CNTN4: variants seen among roughly 807,000 people sequenced by gnomAD.
CNTN4 encodes the protein contactin 4.
CNTN4 carries 77 observed loss-of-function variants against 122.5 expected under a neutral mutation model. The ratio of observed to expected loss-of-function variants is 0.63; its 90% CI spans 0.52 to 0.76. The LOEUF (loss-of-function observed/expected upper bound fraction) is 0.76, where lower values mean the gene tolerates loss of function less well. CNTN4 is among the 30% of genes least tolerant of loss of function. The pLI is 0.00. For missense variants in CNTN4, 1,256 were observed against 1,259.1 expected (o/e 1.00, Z 0.04); for synonymous variants, 512 against 447.0 (o/e 1.15, Z -1.83).
chr3:2,149,705 A>G (rs1350583225), intron 2 of CNTN4, among the ~76,000 whole-genome samples: 1 of 152,232 alleles, frequency 6.6e-6, no homozygotes, highest in Non-Finnish European at 1.5e-5. Flanking sequence ...TTACATTTAT[A>G]TAATTTGATG....
At chr3:2,838,493 T>C (rs879415733) in intron 7 of CNTN4, among the ~76,000 whole-genome samples, 1 of 151,544 alleles carries the variant, frequency 6.6e-6, no homozygotes, top group Non-Finnish European at 1.5e-5. Context: ...GAGAGAAATA[T>C]TGAAGTTTTA....
chr3:2,230,996 A>C (rs1474755226), intron 2 of CNTN4, among the ~76,000 whole-genome samples: 2 of 152,204 alleles, frequency 1.3e-5, no homozygotes, highest in African/African-American at 2.4e-5. Context: ...TCAAAAAAAC[A>C]AAACAAAACA....
At chr3:2,894,026 C>A (rs1048401932) in intron 10 of CNTN4, among the ~76,000 whole-genome samples, 5 of 151,964 alleles carry the variant, frequency 3.3e-5, no homozygotes, top group African/African-American at 1.2e-4. Flanking sequence ...AAAATACAAC[C>A]AGTATATGTT....
At chr3:2,442,786 A>C (rs1487477609) in intron 3 of CNTN4, among the ~76,000 whole-genome samples, 1 of 152,180 alleles carries the variant, frequency 6.6e-6, no homozygotes, top group Admixed American at 6.5e-5. Flanking sequence ...CTTACTTCTA[A>C]ATGTGAATCC....
chr3:2,448,979 C>G (rs985245138), intron 3 of CNTN4, among the ~76,000 whole-genome samples: 1 of 152,124 alleles, frequency 6.6e-6, no homozygotes, highest in Non-Finnish European at 1.5e-5. Context: ...TCCAACCTAG[C>G]CCATGTAACT....
chr3:2,786,901 A>C (rs2091852606), intron 6 of CNTN4, among the ~76,000 whole-genome samples: 1 of 152,170 alleles, frequency 6.6e-6, no homozygotes, highest in African/African-American at 2.4e-5. Flanking sequence ...ATAAAATATT[A>C]ACCTCAAATG....
At chr3:2,445,301 G>A (rs1017859054) in intron 3 of CNTN4, among the ~76,000 whole-genome samples, 1 of 152,118 alleles carries the variant, frequency 6.6e-6, no homozygotes, top group African/African-American at 2.4e-5. Flanking sequence ...GGTTAGAGGA[G>A]GACCTGCATA....
rs373601168 is a variant in CNTN4 at position 2,470,100 on chromosome 3, C to G, written c.-88-101316C>G. On this transcript the variant is annotated intron_variant, in intron 3 of 24. Transcript: ENST00000418658. ...TTTTTTTTGGAGACAGGGTCTCGCT[C>G]TCTCGCCCAGGCTGGAGTGCAGTGG... Among the ~76,000 whole-genome samples the G allele has an allele frequency of 2.7e-3, 404 of 150,938 alleles. 1 individual carries two copies. The highest frequency in any genetic ancestry group is 9.5e-3 in the African/African-American group (389 of 41,146).
Position 2,346,610 on chromosome 3 carries a change from T to C in CNTN4, c.-89+7377T>C, listed in dbSNP as rs530434391. Among the ~76,000 whole-genome samples the C allele has an allele frequency of 7.2e-5, 11 of 152,322 alleles. No individual in the cohort carries two copies. In the East Asian group the frequency reaches 7.7e-4, roughly 11 times the overall value. On this transcript the variant is annotated intron_variant, in intron 3 of 24. Coordinates refer to ENST00000418658, the MANE Select transcript of CNTN4 (RefSeq NM_175607.3). ...TAATGTTAAGCTAGGATTGGAATTC[T>C]TAGTTAATGGTATTTTCCCCTCAAT... is the stretch of plus-strand genomic sequence containing the variant.
intron 2 of CNTN4, among the ~76,000 whole-genome samples, chr3:2,199,274 A>T (rs1025835586): frequency 3.3e-5 from 5 of 151,920 alleles, no homozygotes; most frequent in African/African-American, 1.2e-4. Flanking sequence ...CCTTCTTCCC[A>T]GTTGTATTAT....
intron 2 of CNTN4, among the ~76,000 whole-genome samples, chr3:2,169,497 C>T (rs2036352286): frequency 2.0e-5 from 3 of 151,848 alleles, no homozygotes; most frequent in African/African-American, 4.8e-5. Flanking sequence ...AGCTCCGCCT[C>T]CCGGGTTCCC....
intron 4 of CNTN4, among the ~76,000 whole-genome samples, chr3:2,634,627 G>A (rs973578185): frequency 2.3e-4 from 35 of 150,448 alleles, no homozygotes; most frequent in African/African-American, 7.1e-4. Flanking sequence ...TCAGGAGATC[G>A]AGACCATCCT....
At chr3:2,610,938 G>T (rs185740747) in intron 4 of CNTN4, among the ~76,000 whole-genome samples, 2 of 152,176 alleles carry the variant, frequency 1.3e-5, no homozygotes, top group East Asian at 3.9e-4. Flanking sequence ...AAATTTCATT[G>T]ATTGTTTAAA....
At chr3:2,627,603 C>T (rs1165524176) in intron 4 of CNTN4, among the ~76,000 whole-genome samples, 2 of 150,742 alleles carry the variant, frequency 1.3e-5, no homozygotes, top group South Asian at 2.1e-4. Context: ...AGGCCATTCT[C>T]CTGCTTCAGC....
At chr3:2,356,225 A>G (rs1370729437) in intron 3 of CNTN4, among the ~76,000 whole-genome samples, 1 of 152,208 alleles carries the variant, frequency 6.6e-6, no homozygotes, top group Non-Finnish European at 1.5e-5. Context: ...AGTGAAAGCA[A>G]TTTTATTAAG....
chr3:2,635,226 A>T (rs1237096111), intron 4 of CNTN4, among the ~76,000 whole-genome samples: 1 of 152,184 alleles, frequency 6.6e-6, no homozygotes, highest in Non-Finnish European at 1.5e-5. Context: ...AGCCTGTTAC[A>T]TCTGATGGGT....
chr3:2,206,335 T>C (rs2038341547), intron 2 of CNTN4, among the ~76,000 whole-genome samples: 1 of 152,126 alleles, frequency 6.6e-6, no homozygotes, highest in South Asian at 2.1e-4. Context: ...GGGATGATTT[T>C]ATTGTCAATA....
At chr3:2,409,985 T>A (rs2047173710) in intron 3 of CNTN4, among the ~76,000 whole-genome samples, 1 of 152,184 alleles carries the variant, frequency 6.6e-6, no homozygotes, top group Admixed American at 6.5e-5. Flanking sequence ...TGGGTCATTA[T>A]AAAAATTTCA....
intron 5 of CNTN4, among the ~76,000 whole-genome samples, chr3:2,741,793 C>T (rs956140672): frequency 2.0e-5 from 3 of 152,200 alleles, no homozygotes; most frequent in African/African-American, 7.2e-5. Context: ...TTCCCCCAAA[C>T]TGTGACCTTT....
Sources: allele counts gnomAD v4.1 joint callset (sites outside exome capture counted in the v4.1 genomes callset), GRCh38; gene constraint gnomAD v4.1.1; transcripts MANE v1.5; gene names NCBI Gene and HGNC (gene_info 2026-07-23, HGNC 2026-07-21).